ZNF566: variants seen among roughly 807,000 people sequenced by gnomAD.
The protein encoded by ZNF566 is zinc finger protein 566.
Under a neutral mutation model 32.8 loss-of-function variants are expected in ZNF566, and 27 were observed. The ratio of observed to expected loss-of-function variants is 0.82; its 90% CI spans 0.61 to 1.14. The LOEUF (loss-of-function observed/expected upper bound fraction) is 1.14. ZNF566 is among the 50% of genes most tolerant of loss of function. The pLI, the probability that ZNF566 is intolerant of heterozygous loss-of-function variation, is 0.00. For synonymous variants in ZNF566, 154 were observed against 159.5 expected (o/e 0.97, Z 0.26); for missense variants, 402 against 490.4 (o/e 0.82, Z 1.70).
intron 1 of ZNF566, among the ~76,000 whole-genome samples, chr19:36,487,107 C>A (rs2912425): frequency 0.49 from 46,885 of 95,528 alleles, 9,595 homozygotes; most frequent in Non-Finnish European, 0.53. Flanking sequence ...AAAAAAAAAA[C>A]AAACCAAAAC....
chr19:36,480,042 TG>T (rs2033986510), intron 1 of ZNF566, among the ~76,000 whole-genome samples: 1 of 151,966 alleles, frequency 6.6e-6, no homozygotes, highest in Non-Finnish European at 1.5e-5. Context: ...AGCAAGGCTT[TG>T]GGGGGAATAA....
chr19:36,462,730 C>G (rs2033501060), intron 4 of ZNF566, among the ~76,000 whole-genome samples: 1 of 151,696 alleles, frequency 6.6e-6, no homozygotes, highest in African/African-American at 2.4e-5. Flanking sequence ...GCCCCAATCT[C>G]TCTTGGTGTT....
chr19:36,477,051 C>A (rs1294844153), intron 1 of ZNF566, among the ~76,000 whole-genome samples: 1 of 151,964 alleles, frequency 6.6e-6, no homozygotes, highest in Non-Finnish European at 1.5e-5. Flanking sequence ...CACTCTGTCC[C>A]CCAGGCTGGA....
At chr19:36,487,107 C>CAAAAAAAAAAAAAAAAAAAAA (rs2034186413) in intron 1 of ZNF566, among the ~76,000 whole-genome samples, 2 of 95,990 alleles carry the variant, frequency 2.1e-5, no homozygotes, top group Non-Finnish European at 4.3e-5. Flanking sequence ...AAAAAAAAAA[C>CAAAAAAAAAAAAAAAAAAAAA]AAACCAAAAC....
intron 1 of ZNF566, among the ~76,000 whole-genome samples, chr19:36,478,098 A>G (rs933170170): frequency 2.6e-5 from 4 of 152,142 alleles, no homozygotes; most frequent in Non-Finnish European, 5.9e-5. Context: ...CTGACCACCC[A>G]GAAAGTAGCA....
intron 1 of ZNF566, among the ~76,000 whole-genome samples, chr19:36,477,005 TA>T (rs1401716144): frequency 6.6e-6 from 1 of 151,776 alleles, no homozygotes; most frequent in African/African-American, 2.4e-5. Flanking sequence ...GGATATAACT[TA>T]ATTTTTTTTT....
chr19:36,468,682 G>C (rs2033687851), intron 4 of ZNF566, among the ~76,000 whole-genome samples: 1 of 151,700 alleles, frequency 6.6e-6, no homozygotes, highest in African/African-American at 2.4e-5. Context: ...TGGAGCCTGA[G>C]TGGTGGGATC....
chr19:36,486,570 C>T (rs1236538346), intron 1 of ZNF566, among the ~76,000 whole-genome samples: 1 of 150,604 alleles, frequency 6.6e-6, no homozygotes, highest in Non-Finnish European at 1.5e-5. Context: ...ACATGGGAGG[C>T]TGAGGCAGGA....
intron 4 of ZNF566, among the ~76,000 whole-genome samples, chr19:36,469,881 A>C (rs2033719750): frequency 6.6e-6 from 1 of 152,206 alleles, no homozygotes; most frequent in Admixed American, 6.5e-5. Flanking sequence ...ATTAGAAAGC[A>C]GCTTAACTAT....
intron 1 of ZNF566, among the ~76,000 whole-genome samples, chr19:36,488,839 G>A (rs1413932317): frequency 6.6e-6 from 1 of 152,096 alleles, no homozygotes; most frequent in Admixed American, 6.6e-5. Flanking sequence ...AGAAGTATAC[G>A]TAAGTGATAA....
rs1266035607 is a variant in ZNF566, at chr19:36,447,815, TCTTAA to T, written c.*1157_*1161del. The T allele has an allele frequency of 1.3e-5, 2 of 152,196 alleles. No individual in the cohort carries two copies. Among genetic ancestry groups the T allele is most frequent in the African/African-American group, 4.8e-5 (2 of 41,446 alleles). 9.4% of individuals were successfully genotyped at this position (152,196 alleles called of 1,614,324 possible). ...GTAAGTACATGATGATGGGAAATTT[TCTTAA>T]CTTGTTACCTTCAAAGGGTCTTTCT... On this transcript the variant is annotated 3_prime_UTR_variant, in exon 5 of 5. Transcript: ENST00000452939.
rs529096519 is a variant in ZNF566 at position 36,475,749 on chromosome 19, G to A, written c.9+800C>T. Among the ~76,000 whole-genome samples, 9 of 152,162 alleles carry A rather than the reference G, an allele frequency of 5.9e-5. No homozygotes were observed. The South Asian group carries it at 1.7e-3, about 28-fold the overall frequency. ...CTGAAGAGGAGACTGGGGTTGTTTAGGAGGAAATGCATGTCCTTTTCCTGA... is the reference window on the plus strand; with the variant it reads ...CTGAAGAGGAGACTGGGGTTGTTTAAGAGGAAATGCATGTCCTTTTCCTGA... On this transcript the variant is annotated intron_variant, in intron 2 of 4. Transcript: ENST00000452939.
At chr19:36,486,432 G>A (rs2034162298) in intron 1 of ZNF566, among the ~76,000 whole-genome samples, 1 of 152,142 alleles carries the variant, frequency 6.6e-6, no homozygotes, top group Admixed American at 6.6e-5. Flanking sequence ...AGCACTTTGG[G>A]AGGACAAGGC....
At chr19:36,461,364 C>G (rs972810788) in intron 4 of ZNF566, among the ~76,000 whole-genome samples, 2 of 152,088 alleles carry the variant, frequency 1.3e-5, no homozygotes, top group Non-Finnish European at 1.5e-5. Context: ...GAAATTATAC[C>G]AAGATACATC....
In ZNF566 at chr19:36,485,488, G is replaced by A. The variant is rs566033013; in HGVS notation, c.-60+3998C>T. ...AAAAAAAAAGTGGCCGGTGCTGGGC[G>A]CGGTAGCTCATGCCTGTAATCCCAC... is the stretch of plus-strand genomic sequence containing the variant. On this transcript the variant is annotated intron_variant, in intron 1 of 4. Transcript: ENST00000452939. 3.0e-4 allele frequency among the ~76,000 whole-genome samples: 44 copies of A among 148,730 alleles called. No individual in the cohort carries two copies. The East Asian group carries it at 5.5e-3, about 19-fold the overall frequency.
At chr19:36,476,228 C>A (rs1323264908) in intron 2 of ZNF566, 25 of 194,244 alleles carry the variant, frequency 1.3e-4, no homozygotes, top group Non-Finnish European at 1.7e-4. Flanking sequence ...ATCACTTGAA[C>A]CCTGGAGGCA....
At position 36,449,811 on chromosome 19, in the gene ZNF566, T is replaced by C. The variant is rs774169374; in HGVS notation, c.423A>G (p.Gln141=). 2.5e-6 allele frequency: 4 copies of C among 1,614,184 alleles called. No homozygotes were observed. The Admixed American group carries it at 5.0e-5, about 20-fold the overall frequency. ...ELGSQGGHFN[Q]LVFTHEDLPT... is the part of the protein sequence containing the mutation. ...GCAGATCTTCATGAGTGAATACCAA[T>C]TGATTGAAATGTCCCCCCTGAGAGC... Residue 141 remains glutamine, a synonymous_variant, in exon 5 of 5, where the codon CAA becomes CAG. Coordinates refer to ENST00000452939, the MANE Select transcript of ZNF566 (RefSeq NM_001145344.1).
At chr19:36,476,357 C>CTTT in intron 2 of ZNF566, 192 bp downstream of exon 2, 4 of 400,456 alleles carry the variant, frequency 1.0e-5, no homozygotes, top group South Asian at 5.3e-5. Flanking sequence ...GTAATCAATT[C>CTTT]TTTTTTTTTC....
intron 1 of ZNF566, among the ~76,000 whole-genome samples, chr19:36,477,314 CTTTA>C (rs1235510426): frequency 6.6e-6 from 1 of 152,034 alleles, no homozygotes; most frequent in Admixed American, 6.6e-5. Context: ...CTGGCCATAA[CTTTA>C]TTTATTTAAC....
Sources: allele counts gnomAD v4.1 joint callset (sites outside exome capture counted in the v4.1 genomes callset), GRCh38; gene constraint gnomAD v4.1.1; transcripts MANE v1.5; gene names NCBI Gene and HGNC (gene_info 2026-07-23, HGNC 2026-07-21).